HS6ST2: variants seen among roughly 807,000 people sequenced by gnomAD.
The protein encoded by HS6ST2 is heparan-sulfate 6-O-sulfotransferase 2.
A neutral mutation model predicts 33.0 loss-of-function variants in HS6ST2; 17 were observed. The observed-to-expected ratio is 0.52, with a 90% CI of 0.35 to 0.77. The LOEUF is 0.77. Ranked by LOEUF, HS6ST2 falls within the 30% of genes least tolerant of loss-of-function variation. The pLI is 0.01. For synonymous variants in HS6ST2, 248 were observed against 237.1 expected (o/e 1.05, Z -0.42); for missense variants, 519 against 551.7 (o/e 0.94, Z 0.59).
At chrX:132,869,397 G>T (rs1348761386) in intron 2 of HS6ST2, among the ~76,000 whole-genome samples, 7 of 111,726 alleles carry the variant, frequency 6.3e-5, no homozygotes, top group African/African-American at 2.3e-4. Flanking sequence ...AAAGAGGGAC[G>T]CCTCCCTAAC....
chrX:132,670,261 T>C, intron 3 of HS6ST2, among the ~76,000 whole-genome samples: 1 of 112,325 alleles, frequency 8.9e-6, no homozygotes, highest in Non-Finnish European at 1.9e-5. Flanking sequence ...CAGATATTTA[T>C]GAACCTTTTA....
At chrX:132,850,083 T>C (rs990349229) in intron 2 of HS6ST2, among the ~76,000 whole-genome samples, 9 of 112,347 alleles carry the variant, frequency 8.0e-5, no homozygotes, top group Non-Finnish European at 1.5e-4. Flanking sequence ...GAGTTGACTT[T>C]TGGCATCTAA....
rs1481205908 is a variant in HS6ST2, at chrX:132,731,857, G to GA, written c.948-23364dup. On this transcript the variant is annotated intron_variant, in intron 2 of 4. Coordinates refer to ENST00000370833, the MANE Select transcript of HS6ST2 (RefSeq NM_001394073.1). ...GTGAGACTCCGTCTCAGAAGAAAAG[G>GA]AAAAAAAAAAGGAAATTGGGGAAGC... Among the ~76,000 whole-genome samples, 21 of 101,850 alleles carry GA rather than the reference G, an allele frequency of 2.1e-4. 1 individual carries two copies. The highest frequency in any genetic ancestry group is 7.2e-4 in the African/African-American group (20 of 27,960). 88.4% of individuals were successfully genotyped at this position (101,850 alleles called of 115,157 possible).
rs147457464 is a variant in HS6ST2, at chrX:132,780,709, G to T, written c.948-72215C>A. Among the ~76,000 whole-genome samples the T allele has an allele frequency of 7.3e-3, 811 of 111,480 alleles. 5 individuals carry two copies. The highest frequency in any genetic ancestry group is 0.025 in the African/African-American group (770 of 30,695). On this transcript the variant is annotated intron_variant, in intron 2 of 4. Transcript: ENST00000370833. The stretch of plus-strand genomic sequence containing the variant: ...TGTTGTGAGAATGACATGAGATAAT[G>T]CAGGCAAAGACTTAGCACAGTGCCT...
chrX:132,769,966 AG>A (rs767892543), intron 2 of HS6ST2, among the ~76,000 whole-genome samples: 2 of 112,103 alleles, frequency 1.8e-5, no homozygotes, highest in African/African-American at 6.5e-5. Context: ...TTCACCAAAA[AG>A]GTTGTCATTA....
chrX:132,904,360 TCCGGC>T (rs1252004163), intron 2 of HS6ST2, among the ~76,000 whole-genome samples: 42 of 111,550 alleles, frequency 3.8e-4, no homozygotes, highest in Middle Eastern at 4.7e-3. Context: ...GTTAAAAGTT[TCCGGC>T]TTTTACTATT....
At chrX:132,722,351 T>G (rs1005008902) in intron 2 of HS6ST2, among the ~76,000 whole-genome samples, 5 of 111,815 alleles carry the variant, frequency 4.5e-5, no homozygotes, top group African/African-American at 9.8e-5. Context: ...ATAAGACTAT[T>G]TTGTGATGCA....
intron 4 of HS6ST2, among the ~76,000 whole-genome samples, chrX:132,637,828 T>TATAATATATTATA (rs2063562897): frequency 1.7e-5 from 1 of 58,539 alleles, no homozygotes; most frequent in African/African-American, 8.0e-5. Flanking sequence ...ATATATAATA[T>TATAATATATTATA]TATATATAAT....
chrX:132,943,767 A>C (rs939345237), intron 2 of HS6ST2, among the ~76,000 whole-genome samples: 2 of 111,815 alleles, frequency 1.8e-5, no homozygotes, highest in African/African-American at 6.5e-5. Context: ...CCACATGATT[A>C]TCTCAATAGA....
At chrX:132,653,294 C>T (rs1569477786) in intron 4 of HS6ST2, among the ~76,000 whole-genome samples, 1 of 112,161 alleles carries the variant, frequency 8.9e-6, no homozygotes, top group Non-Finnish European at 1.9e-5. Flanking sequence ...GCCTGCTGTC[C>T]TGGGTAAAAC....
chrX:132,746,644 C>T (rs1436280199), intron 2 of HS6ST2, among the ~76,000 whole-genome samples: 1 of 112,251 alleles, frequency 8.9e-6, no homozygotes, highest in East Asian at 2.8e-4. Context: ...AGATGCCTCC[C>T]TCCAATAATG....
At chrX:132,798,116 C>T (rs781078913) in intron 2 of HS6ST2, among the ~76,000 whole-genome samples, 16 of 109,153 alleles carry the variant, frequency 1.5e-4, no homozygotes, top group African/African-American at 4.7e-4. Context: ...CAATACACCC[C>T]ATTCCTCCCC....
At chrX:132,891,384 T>TTTTA (rs2066309155) in intron 2 of HS6ST2, among the ~76,000 whole-genome samples, 1 of 109,548 alleles carries the variant, frequency 9.1e-6, no homozygotes, top group African/African-American at 3.3e-5. Context: ...TTTTTTATTT[T>TTTTA]TTTTTTTATT....
chrX:132,779,493 C>T (rs747196147), intron 2 of HS6ST2, among the ~76,000 whole-genome samples: 2 of 111,356 alleles, frequency 1.8e-5, no homozygotes, highest in South Asian at 3.8e-4. Flanking sequence ...TGGATCAAAA[C>T]CTCTATAGTT....
At chrX:132,660,698 T>A (rs2063765064) in intron 4 of HS6ST2, among the ~76,000 whole-genome samples, 1 of 111,652 alleles carries the variant, frequency 9.0e-6, no homozygotes, top group South Asian at 3.8e-4. Context: ...GGAGGACGCT[T>A]CCATTGTTCA....
At chrX:132,951,514 GC>G (rs1052302911) in intron 2 of HS6ST2, among the ~76,000 whole-genome samples, 4 of 111,269 alleles carry the variant, frequency 3.6e-5, no homozygotes, top group African/African-American at 1.3e-4. Flanking sequence ...AAAGGAAAGG[GC>G]CCTGGAAAGC....
intron 3 of HS6ST2, among the ~76,000 whole-genome samples, chrX:132,698,383 G>C (rs2064118293): frequency 8.9e-6 from 1 of 111,749 alleles, no homozygotes; most frequent in Admixed American, 9.5e-5. Flanking sequence ...TGATGACAAG[G>C]GTTGACCAGA....
chrX:132,831,172 G>T (rs2065586115), intron 2 of HS6ST2, among the ~76,000 whole-genome samples: 1 of 110,967 alleles, frequency 9.0e-6, no homozygotes, highest in Non-Finnish European at 1.9e-5. Context: ...ATTTTATTAT[G>T]CTGGATTAAG....
In HS6ST2 at chrX:132,805,847, G is replaced by A. The variant is rs897897657; in HGVS notation, c.948-97353C>T. 7.2e-5 allele frequency among the ~76,000 whole-genome samples: 8 copies of A among 110,397 alleles called. 1 individual carries two copies. The highest frequency in any genetic ancestry group is 2.6e-4 in the African/African-American group (8 of 30,727). ...TCCAGTACTCAGACACCCACTAGAG[G>A]CCACCTTAGTTGAATAGATTGAGTA... On this transcript the variant is annotated intron_variant, in intron 2 of 4. Transcript: ENST00000370833.
Sources: allele counts gnomAD v4.1 joint callset (sites outside exome capture counted in the v4.1 genomes callset), GRCh38; gene constraint gnomAD v4.1.1; transcripts MANE v1.5; gene names NCBI Gene and HGNC (gene_info 2026-07-23, HGNC 2026-07-21).